DIS3: variants seen among roughly 807,000 people sequenced by gnomAD.
DIS3 encodes exosome complex exonuclease RRP44.
In DIS3, 103 loss-of-function variants were observed where a neutral mutation model predicts 113.0. The ratio of observed to expected loss-of-function variants is 0.91; its 90% CI spans 0.78 to 1.07. The LOEUF (loss-of-function observed/expected upper bound fraction) is 1.07, where lower values mean the gene tolerates loss of function less well. DIS3 is among the 50% of genes least tolerant of loss of function. DIS3 has a pLI of 0.00. For missense variants in DIS3, 1,121 were observed against 1,167.1 expected (o/e 0.96, Z 0.58); for synonymous variants, 402 against 394.3 (o/e 1.02, Z -0.23).
Position 72,756,354 on chromosome 13 carries a change from T to G in DIS3, c.*3441A>C. 6.3e-6 allele frequency: 1 copy of G among 159,416 alleles called. No homozygotes were observed. The highest frequency in any genetic ancestry group is 2.4e-5 in the African/African-American group (1 of 41,894). The allele number at this position is 159,416 out of a possible 1,614,324, so 9.9% of individuals were successfully genotyped here. A position where few individuals can be genotyped will look rare whatever the true frequency, so the allele number is the denominator to read the frequency against. ...TGGCTACAGATACTACATTGGAAAG[T>G]TGTCTTTAATCACACAGGTGTTAAA... On this transcript the variant is annotated 3_prime_UTR_variant, in exon 21 of 21. Transcript: ENST00000377767.
Position 72,762,142 on chromosome 13 carries a change from A to G in DIS3, c.2128-5T>C, listed in dbSNP as rs2033643400. ...ATCAGTCTTAATTTCCAAATTCTGT[A>G]AACAAAAAGGAGGGAAGAGCACCAT... On this transcript the variant is annotated splice_polypyrimidine_tract_variant and splice_region_variant and intron_variant, in intron 16 of 20. Transcript: ENST00000377767. 6.2e-7 allele frequency: 1 copy of G among 1,612,126 alleles called. No individual in the cohort carries two copies. Among genetic ancestry groups the G allele is most frequent in the Non-Finnish European group, 8.5e-7 (1 of 1,179,088 alleles).
At position 72,773,738 on chromosome 13, in the gene DIS3, T is replaced by C; in HGVS notation, c.1185A>G (p.Gly395=). The C allele has an allele frequency of 1.9e-6, 3 of 1,613,980 alleles. No individual in the cohort carries two copies. Among genetic ancestry groups the C allele is most frequent in the South Asian group, 2.2e-5 (2 of 91,020 alleles). ...CATCAATAGCAACAATAATTCTCCG[T>C]CCTTCTAATGTGGAAGCCTGTCTGG... The part of the protein sequence containing the change: ...IETRQASTLE[G]RRIIVAIDGW... The change falls in exon 8 of 21, where the codon GGA becomes GGG. Residue 395 remains glycine (G), a synonymous_variant. Transcript: ENST00000377767.
intron 15 of DIS3, among the ~76,000 whole-genome samples, chr13:72,765,017 T>C (rs2033712642): frequency 6.6e-6 from 1 of 152,202 alleles, no homozygotes; most frequent in Non-Finnish European, 1.5e-5. Flanking sequence ...AATTTGAGTA[T>C]ATTCCCATTT....
chr13:72,781,292 C>T (rs1355238713), intron 1 of DIS3: 17 of 1,551,252 alleles, frequency 1.1e-5, no homozygotes, highest in Non-Finnish European at 1.4e-5. Flanking sequence ...CACTTACAAG[C>T]TGCCTGGGAG....
At chr13:72,772,594 C>A in intron 9 of DIS3, 99 bp downstream of exon 9, 9 of 1,258,300 alleles carry the variant, frequency 7.2e-6, no homozygotes, top group African/African-American at 1.5e-5. Context: ...GAAAAGAGGG[C>A]CCGTGGTGTC....
chr13:72,781,017 A>T lies in DIS3; in HGVS notation c.229-14T>A, dbSNP rs777183081. On this transcript the variant is annotated splice_polypyrimidine_tract_variant and intron_variant, in intron 1 of 20. Transcript: ENST00000377767. ...AAGAACATCAATCTTAAAGAAAGAT[A>T]AAGTTAATTTTTCCTATATTCATTT... is the stretch of plus-strand genomic sequence containing the variant. 1.3e-6 allele frequency: 2 copies of T among 1,586,732 alleles called. No individual in the cohort carries two copies. Among genetic ancestry groups the T allele is most frequent in the Non-Finnish European group, 1.7e-6 (2 of 1,170,526 alleles).
At chr13:72,777,528 G>GT (rs767126813) in intron 3 of DIS3, 35 bp from the exon 4 acceptor site, 2 of 1,587,368 alleles carry the variant, frequency 1.3e-6, no homozygotes, top group Non-Finnish European at 1.7e-6. Flanking sequence ...TTTGATAAGT[G>GT]TTTTTTCCTT....
chr13:72,778,404 T>C, intron 2 of DIS3, 24 bp from the exon 3 acceptor site: 1 of 1,526,218 alleles, frequency 6.6e-7, no homozygotes, highest in Non-Finnish European at 8.9e-7. Context: ...AAAAACGAAA[T>C]AAAAGGAAAT....
At chr13:72,768,085 A>T (rs1302501548) in intron 14 of DIS3, among the ~76,000 whole-genome samples, 7 of 152,226 alleles carry the variant, frequency 4.6e-5, no homozygotes, top group African/African-American at 1.7e-4. Flanking sequence ...TAATTGCCTA[A>T]AAAATGAGGA....
At chr13:72,765,271 C>T (rs2033717561) in intron 15 of DIS3, among the ~76,000 whole-genome samples, 1 of 152,052 alleles carries the variant, frequency 6.6e-6, no homozygotes, top group African/African-American at 2.4e-5. Context: ...ATGGAGAAGT[C>T]AAATAACTAC....
rs774244591 is a variant in DIS3, at chr13:72,770,989, C to A, written c.1671-1G>T. 62 of 1,603,130 alleles carry A rather than the reference C, an allele frequency of 3.9e-5. No homozygotes were observed. The highest frequency in any genetic ancestry group is 4.9e-5 in the Non-Finnish European group (57 of 1,174,458). On this transcript the variant is annotated splice_acceptor_variant, in intron 12 of 20. Transcript: ENST00000377767. LOFTEE classifies it high-confidence loss of function. ...TTCCCAAATACATGAAAATGCCAGC[C>A]TGTGAAGGAAAATACAGAGTATTTG...
rs149552787 is a variant in DIS3 at position 72,772,632 on chromosome 13, T to C, written c.1386+61A>G. The C allele has an allele frequency of 1.5e-3, 2,248 of 1,520,420 alleles. 23 individuals carry two copies. In the African/African-American group the frequency reaches 0.026, roughly 17 times the overall value. The allele number at this position is 1,520,420 out of a possible 1,614,324, so 94.2% of individuals were successfully genotyped here. On this transcript the variant is annotated intron_variant, in intron 9 of 20. Transcript: ENST00000377767. ...CATATTTAAAAACACATATAGAAAT[T>C]AAACAAAACTAGGCAGGATATAATA... is the stretch of plus-strand genomic sequence containing the variant.
At chr13:72,779,377 CA>C (rs1168421041) in intron 2 of DIS3, among the ~76,000 whole-genome samples, 1 of 152,142 alleles carries the variant, frequency 6.6e-6, no homozygotes, top group East Asian at 1.9e-4. Flanking sequence ...CTCAACCTCC[CA>C]AAGTGCCAGG....
chr13:72,770,880 GA>G (rs1372638537), intron 13 of DIS3, 23 bp downstream of exon 13: 2 of 1,507,618 alleles, frequency 1.3e-6, no homozygotes, highest in African/African-American at 2.8e-5. Flanking sequence ...TTAAAAATTA[GA>G]GATTAATAGC....
chr13:72,777,504 A>G lies in DIS3; in HGVS notation c.581-11T>C. On this transcript the variant is annotated splice_polypyrimidine_tract_variant and intron_variant, in intron 3 of 20. Coordinates refer to ENST00000377767, the MANE Select transcript of DIS3 (RefSeq NM_014953.5). Reference sequence around the variant, plus strand: ...TTACATATTCTTCACCTGAAAAAATAAGTTTATGTTGTTTTTGATAAGTGT... The same window carrying G: ...TTACATATTCTTCACCTGAAAAAATGAGTTTATGTTGTTTTTGATAAGTGT... 6.2e-7 allele frequency: 1 copy of G among 1,612,876 alleles called. No homozygotes were observed. The highest frequency in any genetic ancestry group is 8.5e-7 in the Non-Finnish European group (1 of 1,179,072).
At position 72,753,485 on chromosome 13, in the gene DIS3, G is replaced by T; in HGVS notation, c.*6310C>A. Reference sequence around the variant, plus strand: ...GTTACAAGATATATTTCATTGGAAGGAATTGTAAAATGACTACAATAATCA... The same window carrying T: ...GTTACAAGATATATTTCATTGGAAGTAATTGTAAAATGACTACAATAATCA... On this transcript the variant is annotated 3_prime_UTR_variant, in exon 21 of 21. Coordinates refer to ENST00000377767, the MANE Select transcript of DIS3 (RefSeq NM_014953.5). 2.3e-6 allele frequency: 1 copy of T among 428,996 alleles called. No homozygotes were observed. 26.6% of individuals were successfully genotyped at this position (428,996 alleles called of 1,614,324 possible). A position where few individuals can be genotyped will look rare whatever the true frequency, so the allele number is the denominator to read the frequency against.
At position 72,755,591 on chromosome 13, in the gene DIS3, G is replaced by A. The variant is rs2033439417; in HGVS notation, c.*4204C>T. 3 of 340,008 alleles carry A rather than the reference G, an allele frequency of 8.8e-6. No individual in the cohort carries two copies. Among genetic ancestry groups the A allele is most frequent in the East Asian group, 4.5e-5 (1 of 22,156 alleles). 21.1% of individuals were successfully genotyped at this position (340,008 alleles called of 1,614,324 possible). The stretch of plus-strand genomic sequence containing the variant: ...CATGTGAAACTATGTTAAAACTGAA[G>A]GCACTATATATTTTTACATAAAAGC... On this transcript the variant is annotated 3_prime_UTR_variant, in exon 21 of 21. Coordinates refer to ENST00000377767, the MANE Select transcript of DIS3 (RefSeq NM_014953.5).
At position 72,762,086 on chromosome 13, in the gene DIS3, G is replaced by C. The variant is rs748499545; in HGVS notation, c.2179C>G (p.Gln727Glu). ...TATGGAAAAGTAGGAGATTCGGCCT[G>C]ATCCAAAGACTCAGCCAAAGACTTG... Reference protein sequence around the residue: ...TAKSLAESLDQAESPTFPYLN... With the variant: ...TAKSLAESLDEAESPTFPYLN... Residue 727 changes from glutamine to glutamate, a missense_variant, in exon 17 of 21, where the codon CAG (glutamine) becomes GAG (glutamate). Gln to Glu is a conservative substitution (Grantham distance 29). Coordinates refer to ENST00000377767, the MANE Select transcript of DIS3 (RefSeq NM_014953.5). The C allele has an allele frequency of 1.2e-5, 20 of 1,614,054 alleles. No homozygotes were observed. Among genetic ancestry groups the C allele is most frequent in the Non-Finnish European group, 1.4e-5 (17 of 1,180,012 alleles).
intron 14 of DIS3, among the ~76,000 whole-genome samples, chr13:72,767,269 T>TA (rs2033772497): frequency 1.3e-5 from 2 of 152,126 alleles, no homozygotes; most frequent in Non-Finnish European, 2.9e-5. Flanking sequence ...CTGCTGAAAT[T>TA]AAAAAATATC....
Sources: gnomAD v4.1 joint callset for allele counts (sites outside exome capture counted in the v4.1 genomes callset) on GRCh38, gnomAD v4.1.1 for gene constraint, MANE v1.5 for transcripts, NCBI Gene and HGNC (gene_info 2026-07-23, HGNC 2026-07-21) for gene names.